Variants in CILK1 observed in about 807,000 individuals in gnomAD.
CILK1 encodes ciliogenesis associated kinase 1.
CILK1 carries 47 observed loss-of-function variants against 79.2 expected under a neutral mutation model. The observed-to-expected ratio is 0.59, with a 90% confidence interval of 0.47 to 0.76. CILK1 has a LOEUF of 0.76. CILK1 is among the 30% of genes least tolerant of loss of function. The pLI is 0.00. For missense variants in CILK1, 660 were observed against 769.5 expected (o/e 0.86, Z 1.68); for synonymous variants, 266 against 275.9 (o/e 0.96, Z 0.36).
chr6:53,012,666 T>C (rs1242505831), intron 9 of CILK1, among the ~76,000 whole-genome samples: 1 of 152,222 alleles, frequency 6.6e-6, no homozygotes, highest in Non-Finnish European at 1.5e-5. Flanking sequence ...TTACTATCTC[T>C]TAGCTATAAA....
intron 1 of CILK1, among the ~76,000 whole-genome samples, chr6:53,052,592 G>A (rs554843745): frequency 2.6e-5 from 4 of 152,052 alleles, no homozygotes; most frequent in East Asian, 1.9e-4. Flanking sequence ...TTAACCAGGC[G>A]TGGTGGTGTA....
intron 2 of CILK1, among the ~76,000 whole-genome samples, chr6:53,038,409 C>A (rs922767409): frequency 2.2e-4 from 34 of 152,146 alleles, no homozygotes; most frequent in Non-Finnish European, 2.8e-4. Flanking sequence ...GTGGCTAGCA[C>A]AATGTGGGAA....
At position 53,018,456 on chromosome 6, in the gene CILK1, G is replaced by A. The variant is rs1434392616; in HGVS notation, c.537C>T (p.Ser179=). Residue 179 remains serine (S), a synonymous_variant, in exon 7 of 14, where the codon TCC becomes TCT. Transcript: ENST00000676107. ...AGCCCACCGCCCAGACGTCAATGGG[G>A]GAGCTGTAGTTGGTAGACCTCAGGA... is the stretch of plus-strand genomic sequence containing the variant. ...EVLLRSTNYS[S]PIDVWAVGCI... 12 of 1,614,092 alleles carry A rather than the reference G, an allele frequency of 7.4e-6. No individual in the cohort carries two copies. Among genetic ancestry groups the A allele is most frequent in the African/African-American group, 1.3e-5 (1 of 74,940 alleles).
intron 3 of CILK1, among the ~76,000 whole-genome samples, chr6:53,034,573 G>A (rs1438193920): frequency 6.6e-6 from 1 of 152,158 alleles, no homozygotes; most frequent in Non-Finnish European, 1.5e-5. Context: ...GAAGCTTTCA[G>A]TTGGATATTA....
chr6:53,041,056 T>A (rs1485536206), intron 2 of CILK1, 80 bp downstream of exon 2: 1 of 940,004 alleles, frequency 1.1e-6, no homozygotes, highest in Non-Finnish European at 1.8e-6. Flanking sequence ...TCCTACCCAC[T>A]CCCCTTTAGA....
Position 53,013,943 on chromosome 6 carries a change from C to T in CILK1, c.871G>A (p.Gly291Ser). 1 of 1,614,052 alleles carries T rather than the reference C, an allele frequency of 6.2e-7. No individual in the cohort carries two copies. Among genetic ancestry groups the T allele is most frequent in the Non-Finnish European group, 8.5e-7 (1 of 1,180,006 alleles). Residue 291 changes from glycine (G) to serine (S), a missense_variant, in exon 9 of 14, where the codon GGC becomes AGC. Transcript: ENST00000676107. ...TCCTGAAGGTTTTGTGTGGTGCTGC[C>T]TAGTGGGTGTCCAACTTGGAAGTAA... ...YPYFQVGHPLGSTTQNLQDSE... is the reference protein window; with the variant it reads ...YPYFQVGHPLSSTTQNLQDSE...
chr6:53,025,621 C>G (rs756344495), intron 5 of CILK1, among the ~76,000 whole-genome samples: 1 of 152,142 alleles, frequency 6.6e-6, no homozygotes, highest in Non-Finnish European at 1.5e-5. Flanking sequence ...TTTATGGGCC[C>G]TACTTCAGGC....
intron 5 of CILK1, among the ~76,000 whole-genome samples, chr6:53,022,341 C>A (rs1249440090): frequency 6.6e-6 from 1 of 152,104 alleles, no homozygotes; most frequent in Non-Finnish European, 1.5e-5. Context: ...TACAGGTGTA[C>A]CATTTTTAAA....
At chr6:53,024,841 T>TC (rs1765472493) in intron 5 of CILK1, among the ~76,000 whole-genome samples, 1 of 150,922 alleles carries the variant, frequency 6.6e-6, no homozygotes, top group South Asian at 2.1e-4. Flanking sequence ...ATCTTTTTTT[T>TC]TTTTTTTTGT....
intron 1 of CILK1, among the ~76,000 whole-genome samples, chr6:53,052,977 T>A (rs1398707888): frequency 6.7e-6 from 1 of 150,094 alleles, no homozygotes; most frequent in Non-Finnish European, 1.5e-5. Context: ...TGTGCCTTCA[T>A]AGCCACTTGT....
chr6:53,032,675 A>C (rs1766047500), intron 3 of CILK1, 21 bp from the exon 4 acceptor site: 1 of 1,571,814 alleles, frequency 6.4e-7, no homozygotes, highest in Admixed American at 1.7e-5. Flanking sequence ...AGGAATAAAC[A>C]CAAAACAAAA....
intron 1 of CILK1, among the ~76,000 whole-genome samples, chr6:53,044,548 G>A (rs1167196937): frequency 1.3e-5 from 2 of 152,124 alleles, no homozygotes; most frequent in African/African-American, 4.8e-5. Flanking sequence ...TTCTCAAGTG[G>A]GTAGAACAAA....
At chr6:53,061,411 A>G (rs1768444560) in intron 1 of CILK1, among the ~76,000 whole-genome samples, 185 bp downstream of exon 1, 1 of 152,222 alleles carries the variant, frequency 6.6e-6, no homozygotes, top group South Asian at 2.1e-4. Context: ...CCAGGCTCCG[A>G]GTTTTCATAC....
intron 5 of CILK1, among the ~76,000 whole-genome samples, chr6:53,019,816 C>A (rs1481797894): frequency 6.7e-6 from 1 of 149,890 alleles, no homozygotes; most frequent in Non-Finnish European, 1.5e-5. Context: ...AACCATGGTG[C>A]CTGGCTAGTT....
In CILK1 at chr6:53,011,579, G is replaced by A. The variant is rs35777732; in HGVS notation, c.1492+190C>T. Among the ~76,000 whole-genome samples, 46,003 of 151,886 alleles carry A rather than the reference G, an allele frequency of 0.3. 7,541 individuals carry two copies. Among genetic ancestry groups the A allele is most frequent in the African/African-American group, 0.42 (17,193 of 41,370 alleles). On this transcript the variant is annotated intron_variant, in intron 11 of 13. Transcript: ENST00000676107. ...GCGCCATTGCACTCCAGCCTGGGTGGCAGAGAGAGACTCCAACTCAAAAAA... is the reference window on the plus strand; with the variant it reads ...GCGCCATTGCACTCCAGCCTGGGTGACAGAGAGAGACTCCAACTCAAAAAA...
intron 1 of CILK1, among the ~76,000 whole-genome samples, chr6:53,050,178 A>G (rs1767380730): frequency 6.6e-6 from 1 of 152,164 alleles, no homozygotes; most frequent in Non-Finnish European, 1.5e-5. Context: ...CAAAAATTTG[A>G]TACTTGACAA....
At chr6:53,028,501 T>C (rs1433552641) in intron 5 of CILK1, among the ~76,000 whole-genome samples, 1 of 152,188 alleles carries the variant, frequency 6.6e-6, no homozygotes, top group African/African-American at 2.4e-5. Flanking sequence ...GAACCTTAGT[T>C]TCCTCTTTTT....
intron 5 of CILK1, among the ~76,000 whole-genome samples, chr6:53,024,309 C>T (rs753004126): frequency 2.0e-5 from 3 of 152,162 alleles, no homozygotes; most frequent in Admixed American, 6.5e-5. Context: ...ATGCAAAGAG[C>T]ATTCAGTATC....
intron 5 of CILK1, 46 bp downstream of exon 5, chr6:53,031,019 C>A: frequency 1.5e-6 from 2 of 1,298,206 alleles, no homozygotes; most frequent in Non-Finnish European, 2.2e-6. Flanking sequence ...TACTTGATAA[C>A]AACATTTCAC....
Sources: gnomAD v4.1 joint callset for allele counts (sites outside exome capture counted in the v4.1 genomes callset) on GRCh38, gnomAD v4.1.1 for gene constraint, MANE v1.5 for transcripts, NCBI Gene and HGNC (gene_info 2026-07-23, HGNC 2026-07-21) for gene names.